TSPEAR: variants seen among roughly 807,000 people sequenced by gnomAD.
TSPEAR encodes thrombospondin type laminin G domain and EAR repeats.
Under a neutral mutation model 71.6 loss-of-function variants are expected in TSPEAR, and 69 were observed. That is an observed-to-expected ratio of 0.96 (90% CI 0.79 to 1.18). The LOEUF (loss-of-function observed/expected upper bound fraction) is 1.18, where lower values mean the gene tolerates loss of function less well. TSPEAR is among the 50% of genes most tolerant of loss of function. The pLI, the probability that TSPEAR is intolerant of heterozygous loss-of-function variation, is 0.00. For missense variants in TSPEAR, 971 were observed against 894.9 expected (o/e 1.09, Z -1.09); for synonymous variants, 402 against 387.2 (o/e 1.04, Z -0.45).
At position 44,627,807 on chromosome 21, in the gene TSPEAR, G is replaced by A. The variant is rs781821933; in HGVS notation, c.83-59802C>T. On this transcript the variant is annotated intron_variant, in intron 1 of 11. Transcript: ENST00000323084. Reference sequence around the variant, plus strand: ...GGGCTTCCTCTTTGTGCTGCCAGCAGTCTGGCTGCCAGCCGGCTTGCTGCA... The same window carrying A: ...GGGCTTCCTCTTTGTGCTGCCAGCAATCTGGCTGCCAGCCGGCTTGCTGCA... 8.1e-6 allele frequency: 13 copies of A among 1,605,550 alleles called. No homozygotes were observed. In the South Asian group the frequency reaches 1.4e-4, roughly 18 times the overall value.
At position 44,510,162 on chromosome 21, in the gene TSPEAR, G is replaced by A. The variant is rs369438711; in HGVS notation, c.1567-776C>T. 1.7e-4 allele frequency among the ~76,000 whole-genome samples: 26 copies of A among 152,320 alleles called. No individual in the cohort carries two copies. In the East Asian group the frequency reaches 2.9e-3, roughly 17 times the overall value. On this transcript the variant is annotated intron_variant, in intron 9 of 11. Transcript: ENST00000323084. The stretch of plus-strand genomic sequence containing the variant: ...TGTCTGCATGTGGGGTCCACAAGGC[G>A]GAAGCTTCTGCCAGCACCTTGGGGA...
At chr21:44,651,568 G>A (rs1411983444) in intron 1 of TSPEAR, among the ~76,000 whole-genome samples, 1 of 152,094 alleles carries the variant, frequency 6.6e-6, no homozygotes, top group African/African-American at 2.4e-5. Flanking sequence ...CTAGCAGCAG[G>A]CATCTCACTC....
In TSPEAR at chr21:44,591,812, G is replaced by A. The variant is rs782808436; in HGVS notation, c.83-23807C>T. The A allele has an allele frequency of 6.3e-6, 10 of 1,598,278 alleles. No homozygotes were observed. In the South Asian group the frequency reaches 1.0e-4, roughly 16 times the overall value. On this transcript the variant is annotated intron_variant, in intron 1 of 11. Coordinates refer to ENST00000323084, the MANE Select transcript of TSPEAR (RefSeq NM_144991.3). ...CAGACGGGCACGCAGCAGGCCTGCT[G>A]GCAGGGGGAGGAGGTGCAGCAAGTT...
At chr21:44,591,667 G>C in intron 1 of TSPEAR, 1 of 1,586,036 alleles carries the variant, frequency 6.3e-7, no homozygotes. Flanking sequence ...AGAGCAGACG[G>C]GCACACAGCA....
At chr21:44,646,350 A>C in intron 1 of TSPEAR, 2 of 1,459,496 alleles carry the variant, frequency 1.4e-6, no homozygotes, top group Non-Finnish European at 1.8e-6. Flanking sequence ...AACACATGCC[A>C]GGGAGGGATT....
rs782669581 is a variant in TSPEAR, at chr21:44,567,996, G to T, written c.92C>A (p.Pro31His). ...QGWEPCTDLRPLDILAEVVPS... is the reference protein window; with the variant it reads ...QGWEPCTDLRHLDILAEVVPS... ...GACCACTTCCGCCAGGATGTCCAGG[G>T]GGCGCAGGTCTGTGGCAAAGAAATC... Residue 31 changes from proline (P) to histidine (H), a missense_variant, in exon 2 of 12, where the codon CCC becomes CAC. By Grantham distance (77) the Pro-to-His change is moderately conservative. Transcript: ENST00000323084. 6.5e-7 allele frequency: 1 copy of T among 1,535,718 alleles called. No individual in the cohort carries two copies. Among genetic ancestry groups the T allele is most frequent in the Admixed American group, 2.0e-5 (1 of 50,640 alleles).
chr21:44,697,213 C>G, intron 1 of TSPEAR: 1 of 1,613,842 alleles, frequency 6.2e-7, no homozygotes, highest in Non-Finnish European at 8.5e-7. Flanking sequence ...TGTCCGTCTG[C>G]TCCAGCGACC....
At chr21:44,618,201 T>C (rs1041800521) in intron 1 of TSPEAR, among the ~76,000 whole-genome samples, 11 of 152,204 alleles carry the variant, frequency 7.2e-5, no homozygotes, top group African/African-American at 2.4e-4. Context: ...GTTGTAGTGA[T>C]AGTGAGTTCT....
intron 1 of TSPEAR, among the ~76,000 whole-genome samples, chr21:44,701,755 AAAGCTCACTCACCTGCCACTCCCCTCCG>A (rs1555951554): frequency 2.0e-5 from 3 of 151,842 alleles, no homozygotes; most frequent in Admixed American, 2.0e-4. Context: ...CTCCGGCTGT[AAAGCTCACTCACCTGCCACTCCCCTCCG>A]GCTGTAAAGC....
At chr21:44,661,166 C>A (rs587678163) in intron 1 of TSPEAR, among the ~76,000 whole-genome samples, 3 of 148,812 alleles carry the variant, frequency 2.0e-5, no homozygotes, top group Admixed American at 6.8e-5. Flanking sequence ...CCCAGCTACT[C>A]GGGAGGCTGC....
chr21:44,559,317 G>A (rs2053599595), intron 2 of TSPEAR, among the ~76,000 whole-genome samples: 1 of 152,232 alleles, frequency 6.6e-6, no homozygotes, highest in Admixed American at 6.5e-5. Flanking sequence ...TCTGCTGGGG[G>A]TGAGCCCTGG....
At chr21:44,610,029 T>C (rs1360594315) in intron 1 of TSPEAR, among the ~76,000 whole-genome samples, 3 of 151,978 alleles carry the variant, frequency 2.0e-5, no homozygotes, top group Admixed American at 2.0e-4. Context: ...AAGAAGAGCA[T>C]CTGGGATGGG....
intron 1 of TSPEAR, among the ~76,000 whole-genome samples, chr21:44,620,514 T>C (rs1427202435): frequency 6.6e-6 from 1 of 152,252 alleles, no homozygotes; most frequent in Non-Finnish European, 1.5e-5. Context: ...AGGTCAGTAG[T>C]GATGTTCCCA....
chr21:44,676,951 G>A (rs1986341804), intron 1 of TSPEAR: 1 of 915,180 alleles, frequency 1.1e-6, no homozygotes, highest in Admixed American at 1.7e-5. Flanking sequence ...ATCATCAGTA[G>A]AGAGCTTGTC....
intron 1 of TSPEAR, chr21:44,658,473 T>C: frequency 1.7e-6 from 1 of 598,146 alleles, no homozygotes. Flanking sequence ...GCCAGAGTCC[T>C]TCTCTCACTC....
In TSPEAR at chr21:44,577,839, C is replaced by T. The variant is rs114916405; in HGVS notation, c.83-9834G>A. On this transcript the variant is annotated intron_variant, in intron 1 of 11. Transcript: ENST00000323084. ...AAGAGAACAAATAAATTACCAATATCGGATGTTATGGTTTGGCTGTGTCCC... is the reference window on the plus strand; with the variant it reads ...AAGAGAACAAATAAATTACCAATATTGGATGTTATGGTTTGGCTGTGTCCC... Among the ~76,000 whole-genome samples the T allele has an allele frequency of 7.2e-3, 1,100 of 152,280 alleles. 15 individuals carry two copies. Among genetic ancestry groups the T allele is most frequent in the African/African-American group, 0.025 (1,040 of 41,542 alleles).
intron 1 of TSPEAR, among the ~76,000 whole-genome samples, chr21:44,609,930 T>A (rs1469897499): frequency 6.6e-6 from 1 of 152,086 alleles, no homozygotes; most frequent in Non-Finnish European, 1.5e-5. Flanking sequence ...TCCTCCACAA[T>A]AGGAAATCAG....
intron 9 of TSPEAR, 41 bp downstream of exon 9, chr21:44,521,842 G>T: frequency 6.4e-7 from 1 of 1,573,338 alleles, no homozygotes; most frequent in East Asian, 2.2e-5. Flanking sequence ...CAGACGCAGT[G>T]GCCAGCAATG....
intron 1 of TSPEAR, chr21:44,697,876 C>T (rs891265466): frequency 6.9e-6 from 11 of 1,603,578 alleles, no homozygotes; most frequent in African/African-American, 1.3e-5. Flanking sequence ...AGCCAAGCTG[C>T]GGCCGCCTGG....
Sources: gnomAD v4.1 joint callset for allele counts (sites outside exome capture counted in the v4.1 genomes callset) on GRCh38, gnomAD v4.1.1 for gene constraint, MANE v1.5 for transcripts, NCBI Gene and HGNC (gene_info 2026-07-23, HGNC 2026-07-21) for gene names.